Variants in PTPRD observed in about 807,000 individuals in gnomAD.
PTPRD encodes receptor-type tyrosine-protein phosphatase delta.
Under a neutral mutation model 214.5 loss-of-function variants are expected in PTPRD, and 34 were observed. The ratio of observed to expected loss-of-function variants is 0.16; its 90% CI spans 0.12 to 0.21. The LOEUF is 0.21. Among genes scored for constraint, PTPRD ranks in the 10% least tolerant of loss-of-function variants. The pLI, the probability that PTPRD is intolerant of heterozygous loss-of-function variation, is 1.00. For missense variants in PTPRD, 2,545 were observed against 2,398.7 expected, an observed-to-expected ratio of 1.06 and a Z score of -1.27; for synonymous variants, 1,128 against 845.7, an observed-to-expected ratio of 1.33 and a Z score of -5.79.
intron 2 of PTPRD, among the ~76,000 whole-genome samples, chr9:10,450,356 C>T (rs182264558): frequency 0.012 from 1,847 of 151,944 alleles, 68 homozygotes; most frequent in African/African-American, 0.04. Context: ...TAATAAAATA[C>T]GTGCTTAACT....
At chr9:8,760,134 T>C (rs942344785) in intron 11 of PTPRD, among the ~76,000 whole-genome samples, 1 of 152,198 alleles carries the variant, frequency 6.6e-6, no homozygotes, top group Non-Finnish European at 1.5e-5. Flanking sequence ...TTTTACCACA[T>C]TGGCCAGGCT....
At chr9:8,829,194 C>T (rs2097234924) in intron 11 of PTPRD, among the ~76,000 whole-genome samples, 2 of 152,290 alleles carry the variant, frequency 1.3e-5, no homozygotes, top group Admixed American at 6.5e-5. Context: ...GTTATGTCTA[C>T]ATAACCCACA....
intron 14 of PTPRD, among the ~76,000 whole-genome samples, chr9:8,580,443 T>C (rs1038007522): frequency 3.9e-5 from 6 of 152,234 alleles, no homozygotes; most frequent in African/African-American, 1.4e-4. Context: ...ATTTTCTTTC[T>C]TTGGTTTTAA....
At chr9:9,908,358 T>C (rs561218132) in intron 5 of PTPRD, among the ~76,000 whole-genome samples, 74 of 152,098 alleles carry the variant, frequency 4.9e-4, no homozygotes, top group African/African-American at 1.8e-3. Context: ...GCATTTCAAC[T>C]GGAACATGTG....
chr9:9,817,388 C>T (rs892320541), intron 5 of PTPRD, among the ~76,000 whole-genome samples: 1 of 152,050 alleles, frequency 6.6e-6, no homozygotes, highest in Non-Finnish European at 1.5e-5. Context: ...GGATGACTTT[C>T]AACACGAAAA....
chr9:9,738,098 G>A (rs2098332371), intron 6 of PTPRD, among the ~76,000 whole-genome samples: 1 of 150,810 alleles, frequency 6.6e-6, no homozygotes, highest in African/African-American at 2.4e-5. Flanking sequence ...ACCGGGGCCT[G>A]TTGTGAGGTG....
rs72708155 is a variant in PTPRD at position 8,980,610 on chromosome 9, G to A, written c.-104+38087C>T. Among the ~76,000 whole-genome samples, 786 of 152,120 alleles carry A rather than the reference G, an allele frequency of 5.2e-3. 3 individuals carry two copies. The highest frequency in any genetic ancestry group is 1.0e-2 in the African/African-American group (414 of 41,542). ...AAGTTATCTCAGAAAATTCCCCAAGGACAAACTGAGAGTTACATTTTCCTA... is the reference window on the plus strand; with the variant it reads ...AAGTTATCTCAGAAAATTCCCCAAGAACAAACTGAGAGTTACATTTTCCTA... On this transcript the variant is annotated intron_variant, in intron 11 of 45. Coordinates refer to ENST00000381196, the MANE Select transcript of PTPRD (RefSeq NM_002839.4).
At chr9:8,518,606 G>A (rs760740077) in intron 20 of PTPRD, among the ~76,000 whole-genome samples, 177 bp from the exon 21 acceptor site, 3 of 152,288 alleles carry the variant, frequency 2.0e-5, no homozygotes, top group Non-Finnish European at 2.9e-5. Flanking sequence ...AACATTCATA[G>A]GTGACACAAA....
rs898211587 is a variant in PTPRD at position 9,813,044 on chromosome 9, C to A, written c.-367-46193G>T. 7.9e-5 allele frequency among the ~76,000 whole-genome samples: 12 copies of A among 152,156 alleles called. No individual in the cohort carries two copies. In the East Asian group the frequency reaches 2.3e-3, roughly 29 times the overall value. On this transcript the variant is annotated intron_variant, in intron 5 of 45. Coordinates refer to ENST00000381196, the MANE Select transcript of PTPRD (RefSeq NM_002839.4). ...ACAAATATGTGGAAAGTAAACAACA[C>A]ACTCTTAATGCAATCAATGGGCCAA...
chr9:8,764,407 G>A (rs2094580039), intron 11 of PTPRD, among the ~76,000 whole-genome samples: 1 of 152,172 alleles, frequency 6.6e-6, no homozygotes, highest in Admixed American at 6.5e-5. Context: ...CACCCTGACA[G>A]TTTAGAGATT....
At chr9:9,473,677 G>A (rs961821560) in intron 8 of PTPRD, among the ~76,000 whole-genome samples, 1 of 152,060 alleles carries the variant, frequency 6.6e-6, no homozygotes, top group South Asian at 2.1e-4. Flanking sequence ...CATTCCAACA[G>A]GGGTGACATA....
chr9:9,855,599 C>A (rs1305232951), intron 5 of PTPRD, among the ~76,000 whole-genome samples: 1 of 152,136 alleles, frequency 6.6e-6, no homozygotes, highest in East Asian at 1.9e-4. Flanking sequence ...ACGGAGGGAG[C>A]GCACAAGTAA....
At chr9:9,977,968 C>T (rs1015844079) in intron 4 of PTPRD, among the ~76,000 whole-genome samples, 5 of 151,632 alleles carry the variant, frequency 3.3e-5, no homozygotes, top group Admixed American at 6.6e-5. Context: ...TCATCTAGCA[C>T]ATGGAAAGTG....
At chr9:8,713,071 A>G (rs1375107709) in intron 12 of PTPRD, among the ~76,000 whole-genome samples, 1 of 152,148 alleles carries the variant, frequency 6.6e-6, no homozygotes, top group African/African-American at 2.4e-5. Flanking sequence ...AAATCTAGGT[A>G]TGTGTGTGTG....
In PTPRD at chr9:9,190,240, G is replaced by C. The variant is rs147767763; in HGVS notation, c.-202-6877C>G. On this transcript the variant is annotated intron_variant, in intron 9 of 45. Coordinates refer to ENST00000381196, the MANE Select transcript of PTPRD (RefSeq NM_002839.4). ...TGCAGGAGTGAGCTCTTGATAAAAGGATGAGTGATATGGTTTGACTGTGTC... is the reference window on the plus strand; with the variant it reads ...TGCAGGAGTGAGCTCTTGATAAAAGCATGAGTGATATGGTTTGACTGTGTC... 5.1e-3 allele frequency among the ~76,000 whole-genome samples: 781 copies of C among 152,076 alleles called. 7 individuals carry two copies. Among genetic ancestry groups the C allele is most frequent in the African/African-American group, 0.018 (737 of 41,508 alleles).
chr9:9,877,369 G>A (rs1487799236), intron 5 of PTPRD, among the ~76,000 whole-genome samples: 1 of 152,094 alleles, frequency 6.6e-6, no homozygotes, highest in African/African-American at 2.4e-5. Flanking sequence ...AAGATTTGAG[G>A]CAAAGACTTC....
chr9:9,139,365 A>C (rs909569529), intron 10 of PTPRD, among the ~76,000 whole-genome samples: 13 of 152,234 alleles, frequency 8.5e-5, no homozygotes, highest in African/African-American at 3.1e-4. Context: ...TTTCAGTTAT[A>C]GTCCCAGTTT....
At chr9:9,625,553 A>AT (rs61688647) in intron 7 of PTPRD, among the ~76,000 whole-genome samples, 3,889 of 142,856 alleles carry the variant, frequency 0.027, 131 homozygotes, top group East Asian at 0.089. Context: ...TTGTTCCTCT[A>AT]TTTTTTTTTT....
intron 3 of PTPRD, among the ~76,000 whole-genome samples, chr9:10,213,735 T>A (rs1043365591): frequency 6.6e-6 from 1 of 152,142 alleles, no homozygotes; most frequent in African/African-American, 2.4e-5. Context: ...CTTGGAATAA[T>A]GAGTCCTGGA....
Sources: gnomAD v4.1 joint callset for allele counts (sites outside exome capture counted in the v4.1 genomes callset) on GRCh38, gnomAD v4.1.1 for gene constraint, MANE v1.5 for transcripts, NCBI Gene and HGNC (gene_info 2026-07-23, HGNC 2026-07-21) for gene names.